The following SND1 variants were observed in gnomAD, a reference collection of about 807,000 sequenced individuals.
The protein encoded by SND1 is staphylococcal nuclease domain-containing protein 1.
In SND1, 38 loss-of-function variants were observed where a neutral mutation model predicts 121.7. That is an observed-to-expected ratio of 0.31 (90% CI 0.24 to 0.41). The LOEUF (loss-of-function observed/expected upper bound fraction) is 0.41. Ranked by LOEUF, SND1 falls within the 10% of genes least tolerant of loss-of-function variation. The pLI is 1.00. For missense variants in SND1, 868 were observed against 1,184.6 expected (o/e 0.73, Z 3.92); for synonymous variants, 401 against 447.4 (o/e 0.90, Z 1.31).
At chr7:127,783,978 T>G (rs562225929) in intron 10 of SND1, among the ~76,000 whole-genome samples, 2 of 152,354 alleles carry the variant, frequency 1.3e-5, no homozygotes, top group Admixed American at 1.3e-4. Flanking sequence ...GGATTAATGT[T>G]ACCACATCTA....
At chr7:127,803,400 C>G (rs1584584870) in intron 10 of SND1, among the ~76,000 whole-genome samples, 1 of 152,210 alleles carries the variant, frequency 6.6e-6, no homozygotes, top group South Asian at 2.1e-4. Flanking sequence ...CTTTTCAGTA[C>G]AGAACTTTTA....
At chr7:127,827,572 G>T (rs901706939) in intron 11 of SND1, among the ~76,000 whole-genome samples, 1 of 152,078 alleles carries the variant, frequency 6.6e-6, no homozygotes, top group African/African-American at 2.4e-5. Context: ...ATTAACTATG[G>T]ATTGTTTTTC....
At chr7:127,912,782 G>A (rs528554808) in intron 14 of SND1, among the ~76,000 whole-genome samples, 1 of 152,052 alleles carries the variant, frequency 6.6e-6, no homozygotes, top group South Asian at 2.1e-4. Context: ...CATATATAGT[G>A]GGCAATAAAG....
chr7:128,079,768 G>C (rs1484438047), intron 17 of SND1, among the ~76,000 whole-genome samples: 2 of 152,242 alleles, frequency 1.3e-5, no homozygotes, highest in Non-Finnish European at 1.5e-5. Context: ...TTTCAGCTGA[G>C]AGAGAAGAAA....
intron 10 of SND1, among the ~76,000 whole-genome samples, chr7:127,750,239 G>T (rs1797061773): frequency 6.6e-6 from 1 of 152,196 alleles, no homozygotes; most frequent in African/African-American, 2.4e-5. Flanking sequence ...CTGCAGATAG[G>T]TCATAGCGTA....
chr7:127,680,844 A>G (rs1327619339), intron 1 of SND1, among the ~76,000 whole-genome samples: 1 of 151,800 alleles, frequency 6.6e-6, no homozygotes, highest in African/African-American at 2.4e-5. Flanking sequence ...TGGGGAATTG[A>G]TAAGTGTTCA....
intron 13 of SND1, among the ~76,000 whole-genome samples, chr7:127,890,466 G>A (rs1344882200): frequency 6.6e-6 from 1 of 152,088 alleles, no homozygotes; most frequent in East Asian, 1.9e-4. Flanking sequence ...GTCCATGCTG[G>A]GCATATTCAG....
intron 1 of SND1, among the ~76,000 whole-genome samples, chr7:127,684,902 A>G (rs1328449763): frequency 2.6e-5 from 4 of 151,658 alleles, no homozygotes; most frequent in African/African-American, 9.7e-5. Flanking sequence ...AATATTGTAT[A>G]TTGGAATGTA....
intron 15 of SND1, among the ~76,000 whole-genome samples, chr7:127,986,498 C>A (rs950782129): frequency 3.3e-5 from 5 of 152,134 alleles, no homozygotes; most frequent in Admixed American, 1.3e-4. Context: ...AGAGCAGAAC[C>A]CAGAATCATG....
intron 14 of SND1, among the ~76,000 whole-genome samples, chr7:127,926,161 T>G (rs1307714251): frequency 2.0e-5 from 3 of 152,156 alleles, no homozygotes; most frequent in Admixed American, 2.0e-4. Context: ...TAACCAGTGT[T>G]TTCATTTGAG....
intron 1 of SND1, chr7:127,685,802 A>G (rs531121105): frequency 6.6e-6 from 1 of 152,452 alleles, no homozygotes; most frequent in East Asian, 1.9e-4. Flanking sequence ...ACTGTCCACA[A>G]GGGACACTCT....
chr7:127,963,119 G>A (rs566496660), intron 15 of SND1, among the ~76,000 whole-genome samples: 2 of 152,322 alleles, frequency 1.3e-5, no homozygotes, highest in South Asian at 2.1e-4. Flanking sequence ...TGAACAAGGA[G>A]ATTGGGGCAG....
At chr7:128,000,339 T>C (rs1802795967) in intron 16 of SND1, among the ~76,000 whole-genome samples, 1 of 151,600 alleles carries the variant, frequency 6.6e-6, no homozygotes, top group Admixed American at 6.6e-5. Flanking sequence ...CCATACAGAC[T>C]TGAGTGTGAG....
chr7:127,795,220 C>T (rs1797993241), intron 10 of SND1, among the ~76,000 whole-genome samples: 2 of 152,188 alleles, frequency 1.3e-5, no homozygotes, highest in African/African-American at 2.4e-5. Flanking sequence ...TTAAACAGCA[C>T]CCAAAGAGAT....
rs893311148 is a variant in SND1, at chr7:127,833,480, G to C, written c.1243-10844G>C. Among the ~76,000 whole-genome samples, 3 of 151,936 alleles carry C rather than the reference G, an allele frequency of 2.0e-5. No homozygotes were observed. The South Asian group carries it at 6.2e-4, about 32-fold the overall frequency. ...GGGTTTCGCCATGTTGGTCAGGCTG[G>C]TCTCGAACTCTTGACCTCAAATGAT... On this transcript the variant is annotated intron_variant, in intron 11 of 23. Coordinates refer to ENST00000354725, the MANE Select transcript of SND1 (RefSeq NM_014390.4).
intron 16 of SND1, among the ~76,000 whole-genome samples, chr7:128,020,530 A>G (rs1401926310): frequency 6.6e-6 from 1 of 152,216 alleles, no homozygotes; most frequent in Non-Finnish European, 1.5e-5. Context: ...TGAGGGTTCA[A>G]CTAGATTTTC....
chr7:128,050,548 A>G (rs1403702379), intron 16 of SND1, among the ~76,000 whole-genome samples: 2 of 152,176 alleles, frequency 1.3e-5, no homozygotes, highest in Non-Finnish European at 2.9e-5. Flanking sequence ...CTAGACCCCA[A>G]ATGAGTTCCA....
chr7:127,660,630 C>T (rs762260955), intron 1 of SND1, among the ~76,000 whole-genome samples: 1 of 152,152 alleles, frequency 6.6e-6, no homozygotes, highest in Non-Finnish European at 1.5e-5. Flanking sequence ...CAAAATCCTC[C>T]AGTGAGCATT....
intron 12 of SND1, among the ~76,000 whole-genome samples, chr7:127,868,960 T>C (rs1462274570): frequency 6.6e-6 from 1 of 152,152 alleles, no homozygotes; most frequent in East Asian, 1.9e-4. Context: ...GTGCATATGA[T>C]AGAGAGATCT....
Sources: allele counts gnomAD v4.1 joint callset (sites outside exome capture counted in the v4.1 genomes callset), GRCh38; gene constraint gnomAD v4.1.1; transcripts MANE v1.5; gene names NCBI Gene and HGNC (gene_info 2026-07-23, HGNC 2026-07-21).